The following EZR variants were observed in gnomAD, a reference collection of about 807,000 sequenced individuals.
EZR encodes the protein ezrin, also known as cytovillin 2.
Under a neutral mutation model 74.8 loss-of-function variants are expected in EZR, and 40 were observed. That is an observed-to-expected ratio of 0.53 (90% confidence interval 0.42 to 0.70). The LOEUF (loss-of-function observed/expected upper bound fraction) is 0.70, where lower values mean the gene tolerates loss of function less well. Ranked by LOEUF, EZR falls within the 30% of genes least tolerant of loss-of-function variation. The pLI, the probability that EZR is intolerant of heterozygous loss-of-function variation, is 0.00. For missense variants in EZR, 678 were observed against 755.8 expected (o/e 0.90, Z 1.21); for synonymous variants, 341 against 283.3 (o/e 1.20, Z -2.05).
chr6:158,802,568 G>A (rs928408892), intron 2 of EZR, among the ~76,000 whole-genome samples: 3 of 152,102 alleles, frequency 2.0e-5, no homozygotes, highest in African/African-American at 7.2e-5. Context: ...TTTCACTCTT[G>A]TTGCCCAGGC....
At position 158,819,347 on chromosome 6, in the gene EZR, G is replaced by A. The variant is rs530704458; in HGVS notation, c.-104C>T. On this transcript the variant is annotated 5_prime_UTR_variant, in exon 1 of 14. Transcript: ENST00000367075. ...GCCTGCAGTGCTCCGTGTGCTCCCC[G>A]CCGCCCTTGCGTCCGCCGAGTGCGC... 1,102 of 152,708 alleles carry A rather than the reference G, an allele frequency of 7.2e-3. 3 individuals are homozygous for A. Among genetic ancestry groups the A allele is most frequent in the Middle Eastern group, 0.01 (3 of 292 alleles). The allele number at this position is 152,708 out of a possible 1,614,324, so 9.5% of individuals were successfully genotyped here.
chr6:158,800,676 T>C (rs544427759), intron 2 of EZR, among the ~76,000 whole-genome samples: 14 of 152,156 alleles, frequency 9.2e-5, no homozygotes, highest in Non-Finnish European at 1.9e-4. Flanking sequence ...GTGGTGCACA[T>C]TGGTAATCCC....
At chr6:158,783,785 G>A in intron 6 of EZR, 119 bp from the exon 7 acceptor site, 1 of 1,117,204 alleles carries the variant, frequency 9.0e-7, no homozygotes, top group African/African-American at 1.6e-5. Flanking sequence ...AATGCTGTGT[G>A]CTGCGTGCAG....
rs930505822 is a variant in EZR at position 158,810,572 on chromosome 6, C to T, written c.12+7510G>A. Reference sequence around the variant, plus strand: ...AGCGCTTCAAAACATGAAGGTGGTACCCATGTGACTGATAAGGGAATTCCG... The same window carrying T: ...AGCGCTTCAAAACATGAAGGTGGTATCCATGTGACTGATAAGGGAATTCCG... On this transcript the variant is annotated intron_variant, in intron 2 of 13. Coordinates refer to ENST00000367075, the MANE Select transcript of EZR (RefSeq NM_001111077.2). 2.6e-5 allele frequency among the ~76,000 whole-genome samples: 4 copies of T among 152,120 alleles called. No homozygotes were observed. The South Asian group carries it at 6.2e-4, about 24-fold the overall frequency.
At chr6:158,791,706 A>ATTTTTTTTTTTTTTT (rs57581855) in intron 2 of EZR, among the ~76,000 whole-genome samples, 5 of 96,262 alleles carry the variant, frequency 5.2e-5, no homozygotes, top group Non-Finnish European at 7.9e-5. Context: ...TTCAGACTCC[A>ATTTTTTTTTTTTTTT]TTTTTTTTTT....
At chr6:158,804,435 C>A (rs1317136892) in intron 2 of EZR, among the ~76,000 whole-genome samples, 1 of 152,200 alleles carries the variant, frequency 6.6e-6, no homozygotes, top group Non-Finnish European at 1.5e-5. Flanking sequence ...CTCCTGAAGT[C>A]TAAGTCTTGA....
chr6:158,772,130 G>A (rs1050280577), intron 8 of EZR, among the ~76,000 whole-genome samples: 4 of 152,200 alleles, frequency 2.6e-5, no homozygotes, highest in African/African-American at 4.8e-5. Flanking sequence ...GGTACTCGCC[G>A]CAGTGGCACT....
At chr6:158,793,789 G>A (rs1419728058) in intron 2 of EZR, among the ~76,000 whole-genome samples, 1 of 152,184 alleles carries the variant, frequency 6.6e-6, no homozygotes, top group East Asian at 1.9e-4. Flanking sequence ...ACCACAGCAT[G>A]GCACTGCCTT....
intron 2 of EZR, among the ~76,000 whole-genome samples, chr6:158,811,492 T>G (rs1219769662): frequency 1.3e-5 from 2 of 152,162 alleles, no homozygotes; most frequent in Non-Finnish European, 2.9e-5. Context: ...GTTAAAAAAA[T>G]TAAGAAAAAA....
At chr6:158,784,315 G>A (rs13200058) in intron 6 of EZR, among the ~76,000 whole-genome samples, 1 of 152,158 alleles carries the variant, frequency 6.6e-6, no homozygotes, top group African/African-American at 2.4e-5. Flanking sequence ...GAGCAAACCA[G>A]CATCTCTTTG....
chr6:158,779,814 G>C (rs9346768), intron 7 of EZR, among the ~76,000 whole-genome samples: 6 of 151,894 alleles, frequency 4.0e-5, no homozygotes, highest in African/African-American at 1.2e-4. Flanking sequence ...GAGCTCAAGG[G>C]ATCTACCTGT....
At chr6:158,795,647 T>G (rs1255354371) in intron 2 of EZR, among the ~76,000 whole-genome samples, 1 of 152,188 alleles carries the variant, frequency 6.6e-6, no homozygotes, top group African/African-American at 2.4e-5. Flanking sequence ...CAGAGAGGCA[T>G]TAGCCCTTCC....
chr6:158,793,196 TCG>T (rs1791788625), intron 2 of EZR, among the ~76,000 whole-genome samples: 1 of 150,420 alleles, frequency 6.6e-6, no homozygotes, highest in African/African-American at 2.4e-5. Flanking sequence ...TGAGCTATGA[TCG>T]AGCCACTGCA....
At chr6:158,768,552 C>A (rs961633055) in intron 12 of EZR, among the ~76,000 whole-genome samples, 1 of 152,140 alleles carries the variant, frequency 6.6e-6, no homozygotes, top group Non-Finnish European at 1.5e-5. Flanking sequence ...GCCAGCGGGT[C>A]TGTGAAGGAG....
At position 158,774,055 on chromosome 6, in the gene EZR, T is replaced by TCA. The variant is rs1791196113; in HGVS notation, c.795+2351_795+2352dup. Among the ~76,000 whole-genome samples, 3 of 152,188 alleles carry TCA rather than the reference T, an allele frequency of 2.0e-5. No individual in the cohort carries two copies. In the South Asian group the frequency reaches 6.2e-4, roughly 32 times the overall value. ...ACTGGACAAAGACTCATTTGTGAGT[T>TCA]CACAGCAGAAACCGCCTGGGGTGAA... On this transcript the variant is annotated intron_variant, in intron 8 of 13. Coordinates refer to ENST00000367075, the MANE Select transcript of EZR (RefSeq NM_001111077.2).
At chr6:158,795,519 A>C (rs1341222098) in intron 2 of EZR, among the ~76,000 whole-genome samples, 1 of 152,206 alleles carries the variant, frequency 6.6e-6, no homozygotes, top group Non-Finnish European at 1.5e-5. Flanking sequence ...CTAATGTTCC[A>C]TGGCCACAGA....
At chr6:158,810,404 T>C (rs1347854235) in intron 2 of EZR, among the ~76,000 whole-genome samples, 1 of 152,198 alleles carries the variant, frequency 6.6e-6, no homozygotes, top group Admixed American at 6.5e-5. Flanking sequence ...GGCACACTTC[T>C]CTTCTGTGAA....
chr6:158,793,914 C>T (rs1791807061), intron 2 of EZR, among the ~76,000 whole-genome samples: 1 of 152,190 alleles, frequency 6.6e-6, no homozygotes. Flanking sequence ...TAAAATGAGA[C>T]ATTCACTGAG....
intron 2 of EZR, among the ~76,000 whole-genome samples, chr6:158,810,341 TCCACACTTAC>T (rs1777427145): frequency 6.6e-6 from 1 of 152,180 alleles, no homozygotes; most frequent in Non-Finnish European, 1.5e-5. Context: ...CCCACATCCC[TCCACACTTAC>T]CCAAAGGATC....
Sources: gnomAD v4.1 joint callset for allele counts (sites outside exome capture counted in the v4.1 genomes callset) on GRCh38, gnomAD v4.1.1 for gene constraint, MANE v1.5 for transcripts, NCBI Gene and HGNC (gene_info 2026-07-23, HGNC 2026-07-21) for gene names.